The following NFIX variants were observed in gnomAD, a reference collection of about 807,000 sequenced individuals.
NFIX encodes nuclear factor I X.
NFIX carries 2 observed loss-of-function variants against 53.3 expected under a neutral mutation model. The ratio of observed to expected loss-of-function variants is 0.04; its 90% CI spans 0.02 to 0.12. The LOEUF is 0.12. NFIX is among the 10% of genes least tolerant of loss of function. NFIX has a pLI of 1.00. For synonymous variants in NFIX, 244 were observed against 289.0 expected, an observed-to-expected ratio of 0.84 and a Z score of 1.58; for missense variants, 310 against 674.5, an observed-to-expected ratio of 0.46 and a Z score of 5.99.
intron 1 of NFIX, among the ~76,000 whole-genome samples, chr19:13,010,256 CCGGACGGCGGCCCTCG>C (rs1429962176): frequency 2.6e-5 from 4 of 152,204 alleles, no homozygotes; most frequent in African/African-American, 9.6e-5. Flanking sequence ...TCAGCTGGGT[CCGGACGGCGGCCCTCG>C]CGCACGTGGT....
chr19:13,089,339 G>A lies in NFIX; in HGVS notation c.1403-960G>A, dbSNP rs543296458. ...CTGTGACACTCCTTGCCTCCTCTGG[G>A]GGCATCTTCCCTTCTGGGGGTGCAG... On this transcript the variant is annotated intron_variant, in intron 9 of 10. Coordinates refer to ENST00000592199, the MANE Select transcript of NFIX (RefSeq NM_001365902.3). The surrounding 1 kb of genome is among the most constrained non-coding windows in gnomAD (Gnocchi z 4.8). Among the ~76,000 whole-genome samples, 244 of 152,278 alleles carry A rather than the reference G, an allele frequency of 1.6e-3. 1 individual carries two copies. The highest frequency in any genetic ancestry group is 5.7e-3 in the African/African-American group (237 of 41,550).
At position 13,061,765 on chromosome 19, in the gene NFIX, TTATAGTA is replaced by T. The variant is rs2016108750; in HGVS notation, c.560-11277_560-11271del. 3.9e-5 allele frequency among the ~76,000 whole-genome samples: 6 copies of T among 152,150 alleles called. No homozygotes were observed. In the South Asian group the frequency reaches 1.2e-3, roughly 32 times the overall value. On this transcript the variant is annotated intron_variant, in intron 2 of 10. Transcript: ENST00000592199. The stretch of plus-strand genomic sequence containing the variant: ...GCTGTCCTTATGCAAGCTTGGTACT[TTATAGTA>T]TATAAAACTCAAAGTTAAAATATGT...
At position 13,022,094 on chromosome 19, in the gene NFIX, G is replaced by A. The variant is rs1003472330; in HGVS notation, c.28-2927G>A. ...AAATGCCTGTGCAGTGGTGAGGGGCGTTGGTCAGATTCCTTGCCTCTGCTC... is the reference window on the plus strand; with the variant it reads ...AAATGCCTGTGCAGTGGTGAGGGGCATTGGTCAGATTCCTTGCCTCTGCTC... On this transcript the variant is annotated intron_variant, in intron 1 of 10. Transcript: ENST00000592199. The surrounding 1 kb of genome is among the most constrained non-coding windows in gnomAD (Gnocchi z 4.5). 7.2e-5 allele frequency among the ~76,000 whole-genome samples: 11 copies of A among 152,158 alleles called. No individual in the cohort carries two copies. Among genetic ancestry groups the A allele is most frequent in the Non-Finnish European group, 1.6e-4 (11 of 68,030 alleles).
chr19:13,000,309 A>G (rs1176772774), intron 1 of NFIX, among the ~76,000 whole-genome samples: 1 of 151,926 alleles, frequency 6.6e-6, no homozygotes, highest in Non-Finnish European at 1.5e-5. Flanking sequence ...AATTGTTGCC[A>G]ATTGTTGGTT....
rs200460597 is a variant in NFIX, at chr19:13,016,654, G to GT, written c.28-8351dup. Reference sequence around the variant, plus strand: ...GTTCAAATTGGGTTGTTGGGTTTGAGTTTTTTTTTTTTTTTTAATGGATCT... The same window carrying GT: ...GTTCAAATTGGGTTGTTGGGTTTGAGTTTTTTTTTTTTTTTTTAATGGATCT... On this transcript the variant is annotated intron_variant, in intron 1 of 10. Coordinates refer to ENST00000592199, the MANE Select transcript of NFIX (RefSeq NM_001365902.3). 6.0e-3 allele frequency among the ~76,000 whole-genome samples: 788 copies of GT among 131,848 alleles called. 1 individual carries two copies. The highest frequency in any genetic ancestry group is 6.6e-3 in the Admixed American group (87 of 13,262). 86.5% of individuals were successfully genotyped at this position (131,848 alleles called of 152,430 possible).
Position 13,072,066 on chromosome 19 carries a change from C to T in NFIX, c.560-981C>T, listed in dbSNP as rs912391285. The stretch of plus-strand genomic sequence containing the variant: ...TTCAGATGCCACCCCCATGTGGTCC[C>T]CCTGTGAGCAGCTGATTCTTCACCA... On this transcript the variant is annotated intron_variant, in intron 2 of 10. Coordinates refer to ENST00000592199, the MANE Select transcript of NFIX (RefSeq NM_001365902.3). This position sits in a 1 kb window ranked among gnomAD's most constrained non-coding sequence, Gnocchi z 4.0. 2.0e-5 allele frequency among the ~76,000 whole-genome samples: 3 copies of T among 152,222 alleles called. No individual in the cohort carries two copies. Among genetic ancestry groups the T allele is most frequent in the Non-Finnish European group, 4.4e-5 (3 of 68,040 alleles).
At chr19:13,003,790 C>T (rs1273227090) in intron 1 of NFIX, among the ~76,000 whole-genome samples, 3 of 152,118 alleles carry the variant, frequency 2.0e-5, no homozygotes, top group African/African-American at 7.2e-5. Flanking sequence ...AGGTGCATGC[C>T]ACCACACCTG....
rs1479999216 is a variant in NFIX, at chr19:13,013,463, C to T, written c.28-11558C>T. On this transcript the variant is annotated intron_variant, in intron 1 of 10. Transcript: ENST00000592199. This position sits in a 1 kb window ranked among gnomAD's most constrained non-coding sequence, Gnocchi z 5.9. ...ATGGTGTTAGGTCCTTTTCCACGTG[C>T]GGATGACTCAGCCCGCTGCAGCTGC... Among the ~76,000 whole-genome samples, 2 of 152,122 alleles carry T rather than the reference C, an allele frequency of 1.3e-5. No homozygotes were observed. Among genetic ancestry groups the T allele is most frequent in the African/African-American group, 4.8e-5 (2 of 41,400 alleles).
At chr19:13,039,584 T>A (rs2014469373) in intron 2 of NFIX, among the ~76,000 whole-genome samples, 1 of 152,148 alleles carries the variant, frequency 6.6e-6, no homozygotes, top group Admixed American at 6.5e-5. Context: ...GTCTTGCCTT[T>A]ACATGTCTTG....
chr19:13,060,615 C>A lies in NFIX; in HGVS notation c.560-12432C>A, dbSNP rs1427282165. ...AGCCCTACATGTGTGACCCTTGGTG[C>A]CTGGCAAGGCGGGGGGGTAGGGAGC... is the stretch of plus-strand genomic sequence containing the variant. On this transcript the variant is annotated intron_variant, in intron 2 of 10. Coordinates refer to ENST00000592199, the MANE Select transcript of NFIX (RefSeq NM_001365902.3). The surrounding 1 kb of genome is among the most constrained non-coding windows in gnomAD (Gnocchi z 4.3). Among the ~76,000 whole-genome samples the A allele has an allele frequency of 6.6e-6, 1 of 152,204 alleles. No individual in the cohort carries two copies. Among genetic ancestry groups the A allele is most frequent in the Non-Finnish European group, 1.5e-5 (1 of 68,026 alleles).
chr19:13,054,383 G>C (rs2015518365), intron 2 of NFIX, among the ~76,000 whole-genome samples: 1 of 152,210 alleles, frequency 6.6e-6, no homozygotes, highest in African/African-American at 2.4e-5. Context: ...GCTTGCCGCA[G>C]AGTGGAAGAG....
chr19:13,094,700 G>C lies in NFIX; in HGVS notation c.*51G>C, dbSNP rs570936824. The C allele has an allele frequency of 8.8e-5, 134 of 1,521,740 alleles. No individual in the cohort carries two copies. The highest frequency in any genetic ancestry group is 1.7e-4 in the Middle Eastern group (1 of 5,930). The allele number at this position is 1,521,740 out of a possible 1,614,324, so 94.3% of individuals were successfully genotyped here. On this transcript the variant is annotated 3_prime_UTR_variant, in exon 11 of 11. Coordinates refer to ENST00000592199, the MANE Select transcript of NFIX (RefSeq NM_001365902.3). This position sits in a 1 kb window ranked among gnomAD's most constrained non-coding sequence, Gnocchi z 4.3. ...ATGAGAAGAAGAGGTTCCTCGAAAG[G>C]GGGGAGAAGAAATTTTGAGAATGGA...
Position 13,067,965 on chromosome 19 carries a change from C to T in NFIX, c.560-5082C>T. Among the ~76,000 whole-genome samples, 1 of 151,880 alleles carries T rather than the reference C, an allele frequency of 6.6e-6. No individual in the cohort carries two copies. Among genetic ancestry groups the T allele is most frequent in the Non-Finnish European group, 1.5e-5 (1 of 67,974 alleles). ...CTAAAAATACAAAAAATTAGCTGGTCCTGGTGACAGGTGCCTGTAGTTCCC... is the reference window on the plus strand; with the variant it reads ...CTAAAAATACAAAAAATTAGCTGGTTCTGGTGACAGGTGCCTGTAGTTCCC... On this transcript the variant is annotated intron_variant, in intron 2 of 10. Coordinates refer to ENST00000592199, the MANE Select transcript of NFIX (RefSeq NM_001365902.3). This position sits in a 1 kb window ranked among gnomAD's most constrained non-coding sequence, Gnocchi z 4.2.
rs1409884127 is a variant in NFIX at position 13,066,589 on chromosome 19, T to C, written c.560-6458T>C. 2.0e-5 allele frequency among the ~76,000 whole-genome samples: 3 copies of C among 152,198 alleles called. No individual in the cohort carries two copies. The highest frequency in any genetic ancestry group is 4.4e-5 in the Non-Finnish European group (3 of 68,018). ...GAGAGGACGATAATGGGGTGACATG[T>C]TCCCCTGTCCTTATCCCTGCCCCCA... On this transcript the variant is annotated intron_variant, in intron 2 of 10. Coordinates refer to ENST00000592199, the MANE Select transcript of NFIX (RefSeq NM_001365902.3). The surrounding 1 kb of genome is among the most constrained non-coding windows in gnomAD (Gnocchi z 4.2).
At position 13,043,560 on chromosome 19, in the gene NFIX, G is replaced by A. The variant is rs555968224; in HGVS notation, c.559+18008G>A. Among the ~76,000 whole-genome samples, 18 of 152,328 alleles carry A rather than the reference G, an allele frequency of 1.2e-4. No homozygotes were observed. Among genetic ancestry groups the A allele is most frequent in the Admixed American group, 9.1e-4 (14 of 15,308 alleles). ...CAAGGCCCCTGGGGCTGCCAAGGTC[G>A]CACATGTCCTCCCAGGACTTGAAGG... On this transcript the variant is annotated intron_variant, in intron 2 of 10. Transcript: ENST00000592199. The surrounding 1 kb of genome is among the most constrained non-coding windows in gnomAD (Gnocchi z 4.0).
chr19:13,028,398 G>A lies in NFIX; in HGVS notation c.559+2846G>A, dbSNP rs1053524690. Among the ~76,000 whole-genome samples the A allele has an allele frequency of 1.3e-5, 2 of 152,162 alleles. No homozygotes were observed. Among genetic ancestry groups the A allele is most frequent in the African/African-American group, 2.4e-5 (1 of 41,434 alleles). ...GGGTCCTGGGTTTCATGACAGTAACGGTGATGTGGTGGTAAATGTGGGGGT... is the reference window on the plus strand; with the variant it reads ...GGGTCCTGGGTTTCATGACAGTAACAGTGATGTGGTGGTAAATGTGGGGGT... On this transcript the variant is annotated intron_variant, in intron 2 of 10. Transcript: ENST00000592199. This position sits in a 1 kb window ranked among gnomAD's most constrained non-coding sequence, Gnocchi z 4.2.
At chr19:13,071,115 C>A (rs1019499676) in intron 2 of NFIX, 2 of 152,236 alleles carry the variant, frequency 1.3e-5, no homozygotes, top group Non-Finnish European at 2.9e-5. Context: ...GAGTGGGGTT[C>A]ATAGCAGAGA....
At chr19:13,082,925 C>G (rs1019281511) in intron 8 of NFIX, among the ~76,000 whole-genome samples, 3 of 152,244 alleles carry the variant, frequency 2.0e-5, no homozygotes, top group Non-Finnish European at 2.9e-5. Context: ...TTGGTGTGCT[C>G]TGGCAGAGCG....
chr19:13,055,597 C>T (rs1281053264), intron 2 of NFIX, among the ~76,000 whole-genome samples: 1 of 152,234 alleles, frequency 6.6e-6, no homozygotes, highest in Non-Finnish European at 1.5e-5. Context: ...CAGCCAAGAC[C>T]ACCCTCCACT....
Sources: allele counts gnomAD v4.1 joint callset (sites outside exome capture counted in the v4.1 genomes callset), GRCh38; gene constraint gnomAD v4.1.1; non-coding constraint Gnocchi (gnomAD v3.1); transcripts MANE v1.5; gene names NCBI Gene and HGNC (gene_info 2026-07-23, HGNC 2026-07-21).